Variants in H3-3A observed in about 807,000 individuals in gnomAD.
H3-3A encodes H3.3 histone A.
For missense variants in H3-3A, 7 were observed against 184.0 expected (o/e 0.04, Z 5.57); for synonymous variants, 49 against 61.4 (o/e 0.80, Z 0.95).
intron 3 of H3-3A, among the ~76,000 whole-genome samples, chr1:226,068,964 T>C (rs2102739911): frequency 6.6e-6 from 1 of 152,108 alleles, no homozygotes; most frequent in Middle Eastern, 3.4e-3. Flanking sequence ...GAAACACACG[T>C]GAAAATAGTT....
At chr1:226,067,215 C>T (rs1657957619) in intron 3 of H3-3A, 1 of 152,156 alleles carries the variant, frequency 6.6e-6, no homozygotes, top group African/African-American at 2.4e-5. Flanking sequence ...ATTTACTAAA[C>T]AATCTGGGTA....
At chr1:226,069,669 T>TA (rs1445283089) in intron 3 of H3-3A, among the ~76,000 whole-genome samples, 5 of 151,872 alleles carry the variant, frequency 3.3e-5, no homozygotes, top group African/African-American at 1.2e-4. Context: ...CCATCTCTAC[T>TA]AAAAATACAA....
chr1:226,065,903 C>G (rs995137814), intron 3 of H3-3A, 94 bp downstream of exon 3: 1 of 938,130 alleles, frequency 1.1e-6, no homozygotes, highest in Admixed American at 2.0e-5. Flanking sequence ...CATTTAATCA[C>G]AAGCCTGTCA....
chr1:226,071,233 C>T (rs1299862697), intron 3 of H3-3A, 118 bp from the exon 4 acceptor site: 1 of 714,898 alleles, frequency 1.4e-6, no homozygotes, highest in African/African-American at 1.8e-5. Flanking sequence ...AAATTGTCAG[C>T]ATCTTGCCCA....
At position 226,071,771 on chromosome 1, in the gene H3-3A, TAAAC is replaced by T. The variant is rs1325476225; in HGVS notation, c.*293_*296del. 11 of 221,090 alleles carry T rather than the reference TAAAC, an allele frequency of 5.0e-5. No homozygotes were observed. Among genetic ancestry groups the T allele is most frequent in the South Asian group, 3.4e-4 (2 of 5,802 alleles). 13.7% of individuals were successfully genotyped at this position (221,090 alleles called of 1,614,324 possible). A position where few individuals can be genotyped will look rare whatever the true frequency, so the allele number is the denominator to read the frequency against. ...GGTTCAACTTTATAATAATTATAAA[TAAAC>T]CTGTTAAATTTTTCTGGACAATGCC... On this transcript the variant is annotated 3_prime_UTR_variant, in exon 4 of 4. Coordinates refer to ENST00000366815, the MANE Select transcript of H3-3A (RefSeq NM_002107.7).
chr1:226,069,660 C>T (rs1386845613), intron 3 of H3-3A, among the ~76,000 whole-genome samples: 1 of 151,926 alleles, frequency 6.6e-6, no homozygotes, highest in African/African-American at 2.4e-5. Context: ...GGTGAAACCC[C>T]ATCTCTACTA....
chr1:226,063,623 C>G (rs1399720064), intron 1 of H3-3A, among the ~76,000 whole-genome samples: 1 of 152,024 alleles, frequency 6.6e-6, no homozygotes, highest in East Asian at 1.9e-4. Context: ...CCGAGGGACC[C>G]GAAGGAGGCA....
chr1:226,071,440 C>T lies in H3-3A; in HGVS notation c.372C>T (p.Asp124=), dbSNP rs1180970331. The change falls in exon 4 of 4, where the codon GAC becomes GAT. Residue 124 remains aspartate (D), a synonymous_variant. Transcript: ENST00000366815. ...AACGTGTAACAATTATGCCAAAAGACATCCAGCTAGCACGCCGCATACGTG... is the reference window on the plus strand; with the variant it reads ...AACGTGTAACAATTATGCCAAAAGATATCCAGCTAGCACGCCGCATACGTG... ...HAKRVTIMPK[D]IQLARRIRGE... The T allele has an allele frequency of 1.7e-6, 2 of 1,201,206 alleles. No individual in the cohort carries two copies. Among genetic ancestry groups the T allele is most frequent in the East Asian group, 2.3e-5 (1 of 42,872 alleles). The allele number at this position is 1,201,206 out of a possible 1,614,324, so 74.4% of individuals were successfully genotyped here.
At chr1:226,064,228 C>G (rs1657844865) in intron 1 of H3-3A, 101 bp from the exon 2 acceptor site, 1 of 778,096 alleles carries the variant, frequency 1.3e-6, no homozygotes, top group Non-Finnish European at 2.1e-6. Flanking sequence ...ATTTTTTATA[C>G]TGATCATAAT....
intron 1 of H3-3A, 140 bp from the exon 2 acceptor site, chr1:226,064,189 C>T (rs910415300): frequency 3.3e-6 from 2 of 608,628 alleles, no homozygotes; most frequent in Admixed American, 3.4e-5. Flanking sequence ...AATCTTCACC[C>T]TTTCAAATTA....
chr1:226,062,014 G>C (rs1042605922), upstream of H3-3A: 1 of 152,200 alleles, frequency 6.6e-6, no homozygotes, highest in Non-Finnish European at 1.5e-5. Flanking sequence ...GGCCGGTCCC[G>C]CAGGACCCGG....
At position 226,064,532 on chromosome 1, in the gene H3-3A, A is replaced by G. The variant is rs1657855607; in HGVS notation, c.128+53A>G. ...CAAAGTCTCTCTTGTATGTATCCAC[A>G]TAATTTAACAAAAAGATGGATAACA... On this transcript the variant is annotated intron_variant, in intron 2 of 3. Coordinates refer to ENST00000366815, the MANE Select transcript of H3-3A (RefSeq NM_002107.7). 6 of 1,428,118 alleles carry G rather than the reference A, an allele frequency of 4.2e-6. No homozygotes were observed. In the African/African-American group the frequency reaches 4.3e-5, roughly 10 times the overall value. 88.5% of individuals were successfully genotyped at this position (1,428,118 alleles called of 1,614,324 possible). A position where few individuals can be genotyped will look rare whatever the true frequency, so the allele number is the denominator to read the frequency against.
chr1:226,064,077 T>A (rs545464135), intron 1 of H3-3A: 1 of 283,488 alleles, frequency 3.5e-6, no homozygotes, highest in Admixed American at 4.9e-5. Flanking sequence ...TATTTTTGTT[T>A]TGCCGTTTGT....
At position 226,064,258 on chromosome 1, in the gene H3-3A, G is replaced by A. The variant is rs185979947; in HGVS notation, c.-23-71G>A. On this transcript the variant is annotated intron_variant, in intron 1 of 3. Coordinates refer to ENST00000366815, the MANE Select transcript of H3-3A (RefSeq NM_002107.7). ...CATAATTTCCAGATTTGGGGAGGGG[G>A]TGATCGTGGCAGGAAAAGTTGTATG... 4.7e-6 allele frequency: 5 copies of A among 1,054,772 alleles called. No individual in the cohort carries two copies. The Admixed American group carries it at 6.1e-5, about 13-fold the overall frequency. 65.3% of individuals were successfully genotyped at this position (1,054,772 alleles called of 1,614,324 possible).
At chr1:226,066,692 T>C (rs182244514) in intron 3 of H3-3A, 1 of 152,212 alleles carries the variant, frequency 6.6e-6, no homozygotes, top group African/African-American at 2.4e-5. Context: ...AAGCATGCAG[T>C]TGGGGGTCGT....
chr1:226,065,615 G>T (rs1849032), intron 2 of H3-3A, 41 bp from the exon 3 acceptor site: 1,460,369 of 1,465,016 alleles, frequency 1, 727,994 homozygotes, highest in East Asian at 1. Flanking sequence ...TTTTGTGCTA[G>T]TTATGTTTTT....
intron 1 of H3-3A, among the ~76,000 whole-genome samples, chr1:226,063,307 A>G (rs902980787): frequency 1.3e-5 from 2 of 152,140 alleles, no homozygotes; most frequent in Admixed American, 1.3e-4. Flanking sequence ...GTCACCGACC[A>G]TATTTTTTCC....
At chr1:226,069,982 CAAT>C (rs1658052801) in intron 3 of H3-3A, among the ~76,000 whole-genome samples, 1 of 152,144 alleles carries the variant, frequency 6.6e-6, no homozygotes, top group Non-Finnish European at 1.5e-5. Context: ...AGTTAAGTGT[CAAT>C]GAGTGATTCA....
intron 2 of H3-3A, 28 bp from the exon 3 acceptor site, chr1:226,065,628 T>C: frequency 6.6e-7 from 1 of 1,509,226 alleles, no homozygotes; most frequent in Non-Finnish European, 8.9e-7. Flanking sequence ...ATGTTTTTGG[T>C]AACAGTTTCT....
Sources: allele counts gnomAD v4.1 joint callset (sites outside exome capture counted in the v4.1 genomes callset), GRCh38; gene constraint gnomAD v4.1.1; transcripts MANE v1.5; gene names NCBI Gene and HGNC (gene_info 2026-07-23, HGNC 2026-07-21).